Variants in ITPK1 observed in about 807,000 individuals in gnomAD.
ITPK1 encodes the protein inositol 1,3,4-trisphosphate 5/6-kinase.
In ITPK1, 21 loss-of-function variants were observed where a neutral mutation model predicts 45.3. The observed-to-expected ratio is 0.46, with a 90% CI of 0.33 to 0.67. ITPK1 has a LOEUF of 0.67. Among genes scored for constraint, ITPK1 ranks in the 30% least tolerant of loss-of-function variants. ITPK1 has a pLI of 0.02. For missense variants in ITPK1, 474 were observed against 573.5 expected (o/e 0.83, Z 1.77); for synonymous variants, 258 against 253.6 (o/e 1.02, Z -0.16).
chr14:93,094,849 C>T (rs1892006165), intron 2 of ITPK1, among the ~76,000 whole-genome samples: 3 of 152,232 alleles, frequency 2.0e-5, no homozygotes, highest in South Asian at 4.1e-4. Context: ...CCATCTGCAC[C>T]GGCCCTACAT....
chr14:93,100,398 C>A (rs941818897), intron 2 of ITPK1, among the ~76,000 whole-genome samples: 1 of 152,156 alleles, frequency 6.6e-6, no homozygotes, highest in Non-Finnish European at 1.5e-5. Context: ...AATGAGATCA[C>A]ACACCTAAGG....
At chr14:92,950,878 G>A (rs188038038) in intron 9 of ITPK1, among the ~76,000 whole-genome samples, 1 of 152,344 alleles carries the variant, frequency 6.6e-6, no homozygotes, top group East Asian at 1.9e-4. Context: ...TGTTCCCAGG[G>A]GACATGTGTC....
At chr14:92,999,719 G>A (rs535724105) in intron 4 of ITPK1, among the ~76,000 whole-genome samples, 2 of 152,226 alleles carry the variant, frequency 1.3e-5, no homozygotes, top group African/African-American at 2.4e-5. Context: ...ACCTGTAAAT[G>A]GAGATTGTAC....
chr14:93,111,106 C>G (rs1892732834), intron 2 of ITPK1, among the ~76,000 whole-genome samples: 3 of 152,132 alleles, frequency 2.0e-5, no homozygotes, highest in African/African-American at 7.2e-5. Flanking sequence ...CCTGGAAGCA[C>G]TTCATTAAAA....
chr14:93,094,761 A>AG (rs1246281523), intron 2 of ITPK1, among the ~76,000 whole-genome samples: 1 of 152,176 alleles, frequency 6.6e-6, no homozygotes, highest in Non-Finnish European at 1.5e-5. Context: ...AGGGAGAGGC[A>AG]GGGGTGTTCC....
At chr14:93,091,601 G>A (rs573621029) in intron 2 of ITPK1, among the ~76,000 whole-genome samples, 40 of 152,236 alleles carry the variant, frequency 2.6e-4, no homozygotes, top group Non-Finnish European at 3.2e-4. Flanking sequence ...TCGGTTTTCC[G>A]GCCTGGAAAA....
At chr14:93,102,157 T>A (rs1892344579) in intron 2 of ITPK1, among the ~76,000 whole-genome samples, 1 of 152,224 alleles carries the variant, frequency 6.6e-6, no homozygotes, top group South Asian at 2.1e-4. Flanking sequence ...CCAGGAGGGC[T>A]CCTCCTGATA....
chr14:92,960,046 T>C (rs1884978339), intron 7 of ITPK1, among the ~76,000 whole-genome samples: 1 of 152,222 alleles, frequency 6.6e-6, no homozygotes, highest in Non-Finnish European at 1.5e-5. Flanking sequence ...GCCGATCTGG[T>C]GGACAGTGTC....
At chr14:93,052,062 G>A (rs1346334143) in intron 3 of ITPK1, among the ~76,000 whole-genome samples, 4 of 152,214 alleles carry the variant, frequency 2.6e-5, no homozygotes, top group Non-Finnish European at 5.9e-5. Context: ...GTGGTGGAAG[G>A]GGAATAAGAC....
At chr14:93,006,521 G>A in intron 4 of ITPK1, among the ~76,000 whole-genome samples, 1 of 152,160 alleles carries the variant, frequency 6.6e-6, no homozygotes. Flanking sequence ...TGTCTCCTGT[G>A]GCCTGCAGGT....
At chr14:93,022,605 C>T (rs1399359215) in intron 3 of ITPK1, among the ~76,000 whole-genome samples, 2 of 151,674 alleles carry the variant, frequency 1.3e-5, no homozygotes, top group African/African-American at 2.4e-5. Context: ...CTCTGCCTCC[C>T]GGGTCCAAGT....
chr14:93,101,718 C>T (rs187323094), intron 2 of ITPK1, among the ~76,000 whole-genome samples: 10 of 152,282 alleles, frequency 6.6e-5, no homozygotes, highest in African/African-American at 1.4e-4. Context: ...GGCGTGGAGG[C>T]GTGCGCTTGT....
intron 5 of ITPK1, among the ~76,000 whole-genome samples, chr14:92,964,127 T>C (rs1885225829): frequency 6.6e-6 from 1 of 152,156 alleles, no homozygotes; most frequent in African/African-American, 2.4e-5. Context: ...CATTCCCCCG[T>C]TCCCCGACTC....
At chr14:93,088,528 G>C (rs1891743367) in intron 2 of ITPK1, among the ~76,000 whole-genome samples, 1 of 151,892 alleles carries the variant, frequency 6.6e-6, no homozygotes, top group South Asian at 2.1e-4. Flanking sequence ...GTTAATTTTT[G>C]TGTTTTTAGG....
intron 5 of ITPK1, among the ~76,000 whole-genome samples, chr14:92,973,566 G>A (rs3783918): frequency 0.21 from 31,391 of 152,236 alleles, 3,549 homozygotes; most frequent in East Asian, 0.32. Context: ...TGCAGTTAAG[G>A]GGCGGGAGTC....
rs547866590 is a variant in ITPK1, at chr14:92,979,857, A to C, written c.364+14023T>G. Reference sequence around the variant, plus strand: ...GAGACAGAGTCTCACTCTGTCACTCAGGCTGGTATGCAGTGTGTGATCTCA... The same window carrying C: ...GAGACAGAGTCTCACTCTGTCACTCCGGCTGGTATGCAGTGTGTGATCTCA... On this transcript the variant is annotated intron_variant, in intron 5 of 10. Coordinates refer to ENST00000267615, the MANE Select transcript of ITPK1 (RefSeq NM_014216.6). 5.3e-5 allele frequency among the ~76,000 whole-genome samples: 8 copies of C among 150,780 alleles called. No homozygotes were observed. The South Asian group carries it at 1.7e-3, about 32-fold the overall frequency.
At chr14:93,095,730 A>C (rs1180303423) in intron 2 of ITPK1, among the ~76,000 whole-genome samples, 1 of 151,980 alleles carries the variant, frequency 6.6e-6, no homozygotes, top group Non-Finnish European at 1.5e-5. Context: ...GTAGTTTTTC[A>C]GCCCTTGCCC....
rs536868728 is a variant in ITPK1, at chr14:93,099,283, C to A, written c.95+15786G>T. Among the ~76,000 whole-genome samples, 4 of 152,248 alleles carry A rather than the reference C, an allele frequency of 2.6e-5. No homozygotes were observed. The South Asian group carries it at 6.2e-4, about 24-fold the overall frequency. ...CCCCAGCCACTAGTTCACAGCTGCT[C>A]CAGGCTCTCAGAATTCCCAGGATCC... On this transcript the variant is annotated intron_variant, in intron 2 of 10. Transcript: ENST00000267615.
intron 5 of ITPK1, among the ~76,000 whole-genome samples, chr14:92,977,280 C>T (rs541127416): frequency 6.6e-6 from 1 of 152,216 alleles, no homozygotes; most frequent in Admixed American, 6.5e-5. Context: ...CTTACAGAGC[C>T]TATCACTGCT....
Sources: allele counts gnomAD v4.1 joint callset (sites outside exome capture counted in the v4.1 genomes callset), GRCh38; gene constraint gnomAD v4.1.1; transcripts MANE v1.5; gene names NCBI Gene and HGNC (gene_info 2026-07-23, HGNC 2026-07-21).